MLLT3: variants seen among roughly 807,000 people sequenced by gnomAD.
MLLT3 encodes the protein protein AF-9.
MLLT3 carries 4 observed loss-of-function variants against 53.2 expected under a neutral mutation model. The observed-to-expected ratio is 0.08, with a 90% CI of 0.04 to 0.17. The LOEUF is 0.17. Ranked by LOEUF, MLLT3 falls within the 10% of genes least tolerant of loss-of-function variation. The pLI is 1.00. For missense variants in MLLT3, 569 were observed against 684.0 expected, an observed-to-expected ratio of 0.83 and a Z score of 1.87; for synonymous variants, 283 against 230.6, an observed-to-expected ratio of 1.23 and a Z score of -2.06.
rs11349024 is a variant in MLLT3, at chr9:20,573,123, CTTT to C, written c.193+47528_193+47530del. Among the ~76,000 whole-genome samples the C allele has an allele frequency of 9.0e-5, 13 of 144,678 alleles. No homozygotes were observed. In the East Asian group the frequency reaches 1.4e-3, roughly 16 times the overall value. The allele number at this position is 144,678 out of a possible 152,430, so 94.9% of individuals were successfully genotyped here. ...AAGTAAAACTATCACAACAGGAGAA[CTTT>C]TTTTTTTTTTCGCTGTTGTGTTTTG... is the stretch of plus-strand genomic sequence containing the variant. On this transcript the variant is annotated intron_variant, in intron 2 of 10. Coordinates refer to ENST00000380338, the MANE Select transcript of MLLT3 (RefSeq NM_004529.4).
intron 4 of MLLT3, among the ~76,000 whole-genome samples, chr9:20,440,057 C>CT (rs1198314241): frequency 6.6e-6 from 1 of 152,092 alleles, no homozygotes; most frequent in African/African-American, 2.4e-5. Flanking sequence ...TATAATAAAT[C>CT]TGCAGAAAAA....
intron 2 of MLLT3, chr9:20,502,198 C>T (rs1437076010): frequency 1.3e-5 from 2 of 153,266 alleles, no homozygotes; most frequent in African/African-American, 4.9e-5. Flanking sequence ...GCAAAAATTC[C>T]AGAGTATACA....
At chr9:20,349,959 T>C (rs998526366) in intron 10 of MLLT3, among the ~76,000 whole-genome samples, 1 of 152,222 alleles carries the variant, frequency 6.6e-6, no homozygotes, top group Non-Finnish European at 1.5e-5. Context: ...TGGGAATTAT[T>C]TGCCAAAGGG....
At chr9:20,416,025 T>G (rs1306284074) in intron 4 of MLLT3, among the ~76,000 whole-genome samples, 2 of 151,920 alleles carry the variant, frequency 1.3e-5, no homozygotes, top group Admixed American at 6.6e-5. Context: ...AGATAATTCC[T>G]TAGAAAACAT....
intron 2 of MLLT3, among the ~76,000 whole-genome samples, chr9:20,534,441 T>C (rs772706576): frequency 1.2e-3 from 182 of 152,302 alleles, no homozygotes; most frequent in Non-Finnish European, 1.8e-3. Flanking sequence ...AGTTTAGAAA[T>C]AGTTATGAAT....
At position 20,482,202 on chromosome 9, in the gene MLLT3, C is replaced by G. The variant is rs551782185; in HGVS notation, c.194-25416G>C. On this transcript the variant is annotated intron_variant, in intron 2 of 10. Coordinates refer to ENST00000380338, the MANE Select transcript of MLLT3 (RefSeq NM_004529.4). Reference sequence around the variant, plus strand: ...ACTAAGTTCCTGCATTAGACCCAAACAAACCAGACCAAACCAAATGGAATC... The same window carrying G: ...ACTAAGTTCCTGCATTAGACCCAAAGAAACCAGACCAAACCAAATGGAATC... Among the ~76,000 whole-genome samples the G allele has an allele frequency of 2.6e-5, 4 of 152,316 alleles. No individual in the cohort carries two copies. In the South Asian group the frequency reaches 8.3e-4, roughly 32 times the overall value.
intron 4 of MLLT3, among the ~76,000 whole-genome samples, chr9:20,434,799 C>A (rs901027487): frequency 6.6e-6 from 1 of 151,928 alleles, no homozygotes; most frequent in African/African-American, 2.4e-5. Context: ...TAATCTGAAG[C>A]CTTCAGTTCA....
intron 4 of MLLT3, among the ~76,000 whole-genome samples, chr9:20,438,601 C>CTTTAT (rs1184463108): frequency 1.3e-5 from 2 of 152,016 alleles, no homozygotes; most frequent in Non-Finnish European, 2.9e-5. Context: ...TTTTATTTTA[C>CTTTAT]TTTATTTTAT....
At chr9:20,347,409 G>T (rs1219938057) in intron 10 of MLLT3, among the ~76,000 whole-genome samples, 1 of 152,136 alleles carries the variant, frequency 6.6e-6, no homozygotes, top group Non-Finnish European at 1.5e-5. Flanking sequence ...CCTTTGTCTT[G>T]TCATTTGGAA....
In MLLT3 at chr9:20,347,190, G is replaced by C. The variant is rs571518734; in HGVS notation, c.1576-616C>G. Among the ~76,000 whole-genome samples the C allele has an allele frequency of 2.6e-5, 4 of 151,624 alleles. No homozygotes were observed. The South Asian group carries it at 8.3e-4, about 32-fold the overall frequency. ...CCTTCTAGAGTACTGGAACTGTTTT[G>C]TTGTTTGACTTGGGTGCTAGTTACA... On this transcript the variant is annotated intron_variant, in intron 10 of 10. Transcript: ENST00000380338.
At chr9:20,360,346 G>C (rs2118631824) in intron 8 of MLLT3, among the ~76,000 whole-genome samples, 1 of 152,254 alleles carries the variant, frequency 6.6e-6, no homozygotes, top group East Asian at 1.9e-4. Context: ...AAAGCTAAAA[G>C]TTAATTTCCC....
intron 2 of MLLT3, among the ~76,000 whole-genome samples, chr9:20,541,753 T>A (rs189262248): frequency 7.7e-4 from 117 of 152,340 alleles, no homozygotes; most frequent in Non-Finnish European, 1.4e-3. Flanking sequence ...TTGTTGTTCA[T>A]CCATTAGAAG....
At chr9:20,522,928 C>G (rs1021164777) in intron 2 of MLLT3, among the ~76,000 whole-genome samples, 1 of 151,740 alleles carries the variant, frequency 6.6e-6, no homozygotes, top group Admixed American at 6.6e-5. Flanking sequence ...TGCCACTGCA[C>G]TCCAGCCTGG....
chr9:20,501,540 AG>A, intron 2 of MLLT3, among the ~76,000 whole-genome samples: 1 of 151,338 alleles, frequency 6.6e-6, no homozygotes, highest in Admixed American at 6.6e-5. Context: ...TCATGAGGTC[AG>A]GAGATCGAGA....
intron 5 of MLLT3, among the ~76,000 whole-genome samples, chr9:20,377,516 T>C (rs1821797283): frequency 6.6e-6 from 1 of 152,112 alleles, no homozygotes; most frequent in Non-Finnish European, 1.5e-5. Flanking sequence ...ATGAAATAAC[T>C]AAAAGATATA....
At chr9:20,434,155 T>C (rs1046503884) in intron 4 of MLLT3, among the ~76,000 whole-genome samples, 4 of 151,850 alleles carry the variant, frequency 2.6e-5, no homozygotes, top group Non-Finnish European at 5.9e-5. Context: ...AGGACATTAC[T>C]GGAACAATCT....
chr9:20,458,931 C>A (rs1824040770), intron 2 of MLLT3, among the ~76,000 whole-genome samples: 1 of 152,124 alleles, frequency 6.6e-6, no homozygotes. Flanking sequence ...TGAAAATAAA[C>A]AGGATGCAGC....
rs1275132386 is a variant in MLLT3, at chr9:20,366,619, A to G, written c.1126-875T>C. 5.3e-5 allele frequency among the ~76,000 whole-genome samples: 8 copies of G among 152,202 alleles called. No homozygotes were observed. In the East Asian group the frequency reaches 1.5e-3, roughly 29 times the overall value. On this transcript the variant is annotated intron_variant, in intron 5 of 10. Coordinates refer to ENST00000380338, the MANE Select transcript of MLLT3 (RefSeq NM_004529.4). ...GTTCTAGATCCTTGAGAAATCCCACACTGTCTTCCACAATGGTTGAACTAA... is the reference window on the plus strand; with the variant it reads ...GTTCTAGATCCTTGAGAAATCCCACGCTGTCTTCCACAATGGTTGAACTAA...
intron 8 of MLLT3, among the ~76,000 whole-genome samples, chr9:20,357,347 T>C (rs186739952): frequency 6.6e-6 from 1 of 152,290 alleles, no homozygotes; most frequent in Non-Finnish European, 1.5e-5. Flanking sequence ...AAACCATCTC[T>C]GGTTGAAATG....
Sources: allele counts gnomAD v4.1 joint callset (sites outside exome capture counted in the v4.1 genomes callset), GRCh38; gene constraint gnomAD v4.1.1; transcripts MANE v1.5; gene names NCBI Gene and HGNC (gene_info 2026-07-23, HGNC 2026-07-21).